Variants in SETBP1 observed in about 807,000 individuals in gnomAD.
SETBP1 encodes the protein SET-binding protein.
SETBP1 carries 9 observed loss-of-function variants against 101.0 expected under a neutral mutation model. That is an observed-to-expected ratio of 0.09 (90% CI 0.05 to 0.16). The LOEUF (loss-of-function observed/expected upper bound fraction) is 0.16. SETBP1 is among the 10% of genes least tolerant of loss of function. The pLI, the probability that SETBP1 is intolerant of heterozygous loss-of-function variation, is 1.00. For synonymous variants in SETBP1, 818 were observed against 788.5 expected (o/e 1.04, Z -0.63); for missense variants, 1,858 against 2,033.8 (o/e 0.91, Z 1.66).
chr18:44,833,713 T>A (rs1444957991), intron 2 of SETBP1, among the ~76,000 whole-genome samples: 1 of 152,242 alleles, frequency 6.6e-6, no homozygotes, highest in Non-Finnish European at 1.5e-5. Context: ...GGTCTGCAAA[T>A]GCTGCATTTC....
At chr18:44,886,617 G>A (rs924359786) in intron 3 of SETBP1, among the ~76,000 whole-genome samples, 2 of 151,962 alleles carry the variant, frequency 1.3e-5, no homozygotes, top group African/African-American at 4.8e-5. Context: ...TCTGTAGGAA[G>A]GGCCCTGTCA....
intron 2 of SETBP1, among the ~76,000 whole-genome samples, chr18:44,820,997 A>C (rs1408652747): frequency 1.3e-5 from 2 of 152,220 alleles, no homozygotes; most frequent in Non-Finnish European, 2.9e-5. Flanking sequence ...CCTTATTGGC[A>C]GGTAAGGATC....
At chr18:44,976,914 A>G (rs866675831) in intron 4 of SETBP1, among the ~76,000 whole-genome samples, 7 of 152,356 alleles carry the variant, frequency 4.6e-5, no homozygotes, top group Middle Eastern at 3.4e-3. Flanking sequence ...ATAGAGTCAT[A>G]ATTTAAGAAC....
chr18:44,802,100 C>T (rs995854229), intron 2 of SETBP1, among the ~76,000 whole-genome samples: 1 of 152,170 alleles, frequency 6.6e-6, no homozygotes, highest in Non-Finnish European at 1.5e-5. Context: ...TGGCATACAC[C>T]GTCCTCCAGG....
intron 2 of SETBP1, among the ~76,000 whole-genome samples, chr18:44,710,437 A>T (rs2069312315): frequency 7.0e-6 from 1 of 142,598 alleles, no homozygotes; most frequent in Admixed American, 7.4e-5. Context: ...CCTTGAAGCC[A>T]TGCATTTTAG....
At chr18:44,940,269 G>A (rs1025329062) in intron 3 of SETBP1, among the ~76,000 whole-genome samples, 1 of 152,070 alleles carries the variant, frequency 6.6e-6, no homozygotes, top group African/African-American at 2.4e-5. Context: ...TATTTAAAGT[G>A]TATCTCCTAT....
rs563923464 is a variant in SETBP1 at position 44,802,426 on chromosome 18, C to T, written c.487-66804C>T. Among the ~76,000 whole-genome samples the T allele has an allele frequency of 4.6e-4, 70 of 152,290 alleles. 1 individual carries two copies. Among genetic ancestry groups the T allele is most frequent in the African/African-American group, 1.7e-3 (70 of 41,556 alleles). On this transcript the variant is annotated intron_variant, in intron 2 of 5. Coordinates refer to ENST00000649279, the MANE Select transcript of SETBP1 (RefSeq NM_015559.3). ...CTTTGCGAAAGTGTCTGACTATATA[C>T]AACCAAAGAATAAGCGACAACTTTG...
chr18:44,862,119 G>T lies in SETBP1; in HGVS notation c.487-7111G>T, dbSNP rs578104734. Among the ~76,000 whole-genome samples the T allele has an allele frequency of 5.9e-5, 9 of 152,200 alleles. 1 individual carries two copies. In the East Asian group the frequency reaches 1.7e-3, roughly 29 times the overall value. On this transcript the variant is annotated intron_variant, in intron 2 of 5. Transcript: ENST00000649279. ...ATGTACACACCACTGTAAGAGTATG[G>T]GTTGTATGTGCCAAGGTTACACATG...
chr18:44,928,037 C>G (rs1272536516), intron 3 of SETBP1, among the ~76,000 whole-genome samples: 1 of 151,166 alleles, frequency 6.6e-6, no homozygotes, highest in Non-Finnish European at 1.5e-5. Flanking sequence ...TCCATTAACT[C>G]GTCATTTACA....
chr18:44,724,749 C>G (rs1245225028), intron 2 of SETBP1, among the ~76,000 whole-genome samples: 5 of 152,038 alleles, frequency 3.3e-5, no homozygotes, highest in Admixed American at 6.6e-5. Flanking sequence ...GGCAAAGGCC[C>G]AGGATTGAAA....
chr18:44,776,222 T>A (rs929632165), intron 2 of SETBP1, among the ~76,000 whole-genome samples: 20 of 151,930 alleles, frequency 1.3e-4, no homozygotes, highest in Admixed American at 1.2e-3. Flanking sequence ...GGTATTTTCT[T>A]CCCCCCACCT....
chr18:44,686,980 TC>T (rs1423809112), intron 1 of SETBP1, among the ~76,000 whole-genome samples: 28 of 152,330 alleles, frequency 1.8e-4, no homozygotes, highest in Non-Finnish European at 3.7e-4. Flanking sequence ...CTCTGAAAAT[TC>T]CAATTGTATT....
chr18:44,880,805 A>T (rs1438682577), intron 3 of SETBP1, among the ~76,000 whole-genome samples: 1 of 152,170 alleles, frequency 6.6e-6, no homozygotes, highest in East Asian at 1.9e-4. Context: ...CAAGTCATTC[A>T]TGAGGGATCT....
chr18:44,716,273 T>C (rs2069461736), intron 2 of SETBP1, among the ~76,000 whole-genome samples: 1 of 152,060 alleles, frequency 6.6e-6, no homozygotes, highest in Non-Finnish European at 1.5e-5. Context: ...CAGCTATAAG[T>C]GGGGGATCCC....
At chr18:44,809,440 A>T (rs914141053) in intron 2 of SETBP1, among the ~76,000 whole-genome samples, 17 of 152,212 alleles carry the variant, frequency 1.1e-4, no homozygotes, top group Admixed American at 2.6e-4. Context: ...TGTACATTTG[A>T]TTCCTGACCT....
Position 44,824,057 on chromosome 18 carries a change from C to A in SETBP1, c.487-45173C>A, listed in dbSNP as rs78806635. Among the ~76,000 whole-genome samples the A allele has an allele frequency of 2.9e-4, 44 of 152,310 alleles. No individual in the cohort carries two copies. The East Asian group carries it at 8.1e-3, about 28-fold the overall frequency. On this transcript the variant is annotated intron_variant, in intron 2 of 5. Transcript: ENST00000649279. ...CTCACCCTAACCTCCATTCAAACTT[C>A]TTTTCACTCCTGCCCAAATCTTAAG...
In SETBP1 at chr18:44,951,895, C is replaced by T. The variant is rs773328311; in HGVS notation, c.2555C>T (p.Thr852Met). 1.2e-6 allele frequency: 2 copies of T among 1,614,062 alleles called. No homozygotes were observed. Among genetic ancestry groups the T allele is most frequent in the Non-Finnish European group, 1.7e-6 (2 of 1,180,022 alleles). Residue 852 changes from threonine (T) to methionine (M), a missense_variant, in exon 4 of 6, where the codon ACG becomes ATG. This residue lies in a region of SETBP1 where 12 missense variants were observed against 45.3 expected (regional missense o/e 0.27). Coordinates refer to ENST00000649279, the MANE Select transcript of SETBP1 (RefSeq NM_015559.3). The surrounding 1 kb of genome is among the most constrained non-coding windows in gnomAD (Gnocchi z 7.8). ...GAGATTGGCTCCCTAAAGGAAATCA[C>T]GCTGTCCCCTGTGAGCGAGTCCCAC... is the stretch of plus-strand genomic sequence containing the variant. ...LCEIGSLKEI[T>M]LSPVSESHSE...
At chr18:44,876,919 A>G (rs2069419757) in intron 3 of SETBP1, 13 of 1,367,128 alleles carry the variant, frequency 9.5e-6, no homozygotes, top group Middle Eastern at 2.7e-4. Context: ...AGATAATCCA[A>G]AAAGATCCAG....
chr18:45,023,947 G>A lies in SETBP1; in HGVS notation c.4001-14538G>A, dbSNP rs138009138. Among the ~76,000 whole-genome samples, 909 of 152,322 alleles carry A rather than the reference G, an allele frequency of 6.0e-3. 6 individuals are homozygous for A. The highest frequency in any genetic ancestry group is 0.021 in the African/African-American group (858 of 41,564). On this transcript the variant is annotated intron_variant, in intron 4 of 5. Coordinates refer to ENST00000649279, the MANE Select transcript of SETBP1 (RefSeq NM_015559.3). ...TAAACAAGGTCAAATACCTAGTTAAGTGACAAAGCTGGGATTTAAACCAAG... is the reference window on the plus strand; with the variant it reads ...TAAACAAGGTCAAATACCTAGTTAAATGACAAAGCTGGGATTTAAACCAAG...
Sources: gnomAD v4.1 joint callset for allele counts (sites outside exome capture counted in the v4.1 genomes callset) on GRCh38, gnomAD v4.1.1 for gene constraint, gnomAD v4.1.1 regional missense constraint, Gnocchi (gnomAD v3.1) non-coding constraint, MANE v1.5 for transcripts, NCBI Gene and HGNC (gene_info 2026-07-23, HGNC 2026-07-21) for gene names.